The following NSRP1 variants were observed in gnomAD, a reference collection of about 807,000 sequenced individuals.
The protein encoded by NSRP1 is coiled-coil domain containing 55.
Under a neutral mutation model 54.7 loss-of-function variants are expected in NSRP1, and 24 were observed. The ratio of observed to expected loss-of-function variants is 0.44; its 90% CI spans 0.32 to 0.62. The LOEUF (loss-of-function observed/expected upper bound fraction) is 0.62. Among genes scored for constraint, NSRP1 ranks in the 20% least tolerant of loss-of-function variants. NSRP1 has a pLI of 0.06. For missense variants in NSRP1, 596 were observed against 651.2 expected (o/e 0.92, Z 0.92); for synonymous variants, 210 against 213.8 (o/e 0.98, Z 0.15).
In NSRP1 at chr17:30,185,145, A is replaced by T; in HGVS notation, c.1148A>T (p.Asp383Val). 6.3e-7 allele frequency: 1 copy of T among 1,595,848 alleles called. No individual in the cohort carries two copies. Among genetic ancestry groups the T allele is most frequent in the Non-Finnish European group, 8.5e-7 (1 of 1,170,590 alleles). Residue 383 changes from aspartate to valine, a missense_variant, in exon 7 of 7, where the codon GAT (aspartate) becomes GTT (valine). Physicochemically the swap from Asp to Val is radical, Grantham distance 152. Coordinates refer to ENST00000247026, the MANE Select transcript of NSRP1 (RefSeq NM_032141.4). ...RSDRVWKREKDREKYSQREQE... is the reference protein window; with the variant it reads ...RSDRVWKREKVREKYSQREQE... ...GACAGAGTATGGAAAAGGGAGAAAG[A>T]TAGGGAGAAATATTCCCAAAGAGAA...
At chr17:30,119,602 A>G (rs1597590290) in intron 2 of NSRP1, among the ~76,000 whole-genome samples, 2 of 152,086 alleles carry the variant, frequency 1.3e-5, no homozygotes, top group South Asian at 4.2e-4. Context: ...TCCTGGGTTC[A>G]AGCGTTTCTC....
At chr17:30,175,285 A>G (rs185310265) in intron 3 of NSRP1, among the ~76,000 whole-genome samples, 11 of 152,278 alleles carry the variant, frequency 7.2e-5, no homozygotes, top group Non-Finnish European at 1.5e-4. Context: ...TCTGATTTGC[A>G]TTATGATTTC....
intron 2 of NSRP1, among the ~76,000 whole-genome samples, chr17:30,141,637 T>C (rs1002313964): frequency 4.6e-5 from 7 of 152,248 alleles, no homozygotes; most frequent in African/African-American, 1.7e-4. Context: ...ATATGTACGT[T>C]TGAATATGTA....
At chr17:30,180,003 C>A (rs11080120) in intron 5 of NSRP1, among the ~76,000 whole-genome samples, 62,611 of 151,712 alleles carry the variant, frequency 0.41, 14,401 homozygotes, top group East Asian at 0.82. Flanking sequence ...CGTCTGGTTA[C>A]TTTTTGTATT....
chr17:30,162,191 A>G (rs927693325), intron 2 of NSRP1, among the ~76,000 whole-genome samples: 3 of 151,834 alleles, frequency 2.0e-5, no homozygotes, highest in African/African-American at 7.3e-5. Flanking sequence ...TGCCCGGCTA[A>G]TTTTTTATTT....
At chr17:30,164,737 G>A (rs1461274856) in intron 2 of NSRP1, among the ~76,000 whole-genome samples, 1 of 152,192 alleles carries the variant, frequency 6.6e-6, no homozygotes, top group Admixed American at 6.5e-5. Flanking sequence ...GGTCGAGGCT[G>A]CAGTGTGCTG....
intron 4 of NSRP1, 110 bp downstream of exon 4, chr17:30,178,309 G>C: frequency 2.6e-6 from 3 of 1,158,294 alleles, no homozygotes; most frequent in Non-Finnish European, 3.6e-6. Context: ...TATGTGAGGT[G>C]TGAAGAGTCC....
chr17:30,153,347 T>G (rs1278431195), intron 2 of NSRP1, among the ~76,000 whole-genome samples: 1 of 152,236 alleles, frequency 6.6e-6, no homozygotes, highest in African/African-American at 2.4e-5. Flanking sequence ...GGTTGAATTT[T>G]CTTTTCCTAG....
chr17:30,178,225 T>TCTTTGA, intron 4 of NSRP1, 26 bp downstream of exon 4: 1 of 1,585,618 alleles, frequency 6.3e-7, no homozygotes, highest in South Asian at 1.2e-5. Flanking sequence ...TAACAAACTT[T>TCTTTGA]CTTTGACCTT....
intron 2 of NSRP1, among the ~76,000 whole-genome samples, chr17:30,121,976 C>G (rs1182379423): frequency 6.6e-6 from 1 of 152,108 alleles, no homozygotes; most frequent in Non-Finnish European, 1.5e-5. Context: ...TCTCCCCACC[C>G]CTAAACCCTG....
At chr17:30,128,071 T>A (rs2071666579) in intron 2 of NSRP1, 2 of 373,422 alleles carry the variant, frequency 5.4e-6, no homozygotes, top group African/African-American at 4.2e-5. Flanking sequence ...ACTCCTGGGC[T>A]CAAGTGATCC....
intron 2 of NSRP1, among the ~76,000 whole-genome samples, chr17:30,167,592 G>A (rs770340147): frequency 2.6e-5 from 4 of 152,076 alleles, no homozygotes; most frequent in Middle Eastern, 3.4e-3. Flanking sequence ...CTGGGCAACA[G>A]AGTGAGACTC....
At chr17:30,168,578 A>ATAATAATAATAATAG (rs1254579868) in intron 2 of NSRP1, among the ~76,000 whole-genome samples, 1 of 147,736 alleles carries the variant, frequency 6.8e-6, no homozygotes, top group Non-Finnish European at 1.5e-5. Flanking sequence ...TTAAAGTATA[A>ATAATAATAATAATAG]TAATAATAAT....
At chr17:30,160,959 G>A (rs1034312938) in intron 2 of NSRP1, among the ~76,000 whole-genome samples, 26 of 152,114 alleles carry the variant, frequency 1.7e-4, no homozygotes, top group African/African-American at 5.3e-4. Context: ...TTCTCATTGC[G>A]TAACCAGGAA....
intron 3 of NSRP1, among the ~76,000 whole-genome samples, chr17:30,177,654 G>A (rs1054155449): frequency 6.6e-6 from 1 of 152,100 alleles, no homozygotes; most frequent in East Asian, 1.9e-4. Context: ...CCAAGGTTAG[G>A]TGTTTCCATC....
At chr17:30,172,847 A>G (rs972814265) in intron 3 of NSRP1, among the ~76,000 whole-genome samples, 7 of 149,318 alleles carry the variant, frequency 4.7e-5, no homozygotes, top group East Asian at 3.9e-4. Flanking sequence ...ACTTGCAGGG[A>G]AAAAAAAAAC....
chr17:30,163,838 A>G (rs1319728544), intron 2 of NSRP1, among the ~76,000 whole-genome samples: 7 of 151,802 alleles, frequency 4.6e-5, no homozygotes, highest in African/African-American at 1.7e-4. Context: ...GCGCGCCACC[A>G]TGCCCAACTA....
At position 30,172,014 on chromosome 17, in the gene NSRP1, T is replaced by A. The variant is rs56199541; in HGVS notation, c.115-528T>A. On this transcript the variant is annotated intron_variant, in intron 2 of 6. Transcript: ENST00000247026. Reference sequence around the variant, plus strand: ...CTCTCTCTCTCTCTCTCTCTCTCTCTCACATGTTCACATGAAGCAAATTGA... The same window carrying A: ...CTCTCTCTCTCTCTCTCTCTCTCTCACACATGTTCACATGAAGCAAATTGA... 3.9e-3 allele frequency among the ~76,000 whole-genome samples: 511 copies of A among 131,164 alleles called. 14 individuals are homozygous for A. The highest frequency in any genetic ancestry group is 0.03 in the East Asian group (115 of 3,872). The allele number at this position is 131,164 out of a possible 152,430, so 86.0% of individuals were successfully genotyped here.
intron 2 of NSRP1, among the ~76,000 whole-genome samples, chr17:30,142,051 G>A (rs2071810461): frequency 6.6e-6 from 1 of 152,140 alleles, no homozygotes; most frequent in Admixed American, 6.6e-5. Context: ...TGCTCTCTTT[G>A]ATTAGCTGTA....
Sources: gnomAD v4.1 joint callset for allele counts (sites outside exome capture counted in the v4.1 genomes callset) on GRCh38, gnomAD v4.1.1 for gene constraint, MANE v1.5 for transcripts, NCBI Gene and HGNC (gene_info 2026-07-23, HGNC 2026-07-21) for gene names.